Variants in COL9A3 observed in about 807,000 individuals in gnomAD.
COL9A3 encodes collagen type IX alpha 3 chain, also known as collagen alpha-3(IX) chain.
A neutral mutation model predicts 110.2 loss-of-function variants in COL9A3; 82 were observed. The observed-to-expected ratio is 0.74, with a 90% confidence interval of 0.62 to 0.89. The LOEUF (loss-of-function observed/expected upper bound fraction) is 0.89. Ranked by LOEUF, COL9A3 falls within the 40% of genes least tolerant of loss-of-function variation. COL9A3 has a pLI of 0.00. For synonymous variants in COL9A3, 494 were observed against 403.8 expected, an observed-to-expected ratio of 1.22 and a Z score of -2.68; for missense variants, 1,066 against 981.3, an observed-to-expected ratio of 1.09 and a Z score of -1.15.
At chr20:62,823,036 TGAAAA>T (rs112586464) in intron 10 of COL9A3, among the ~76,000 whole-genome samples, 4,877 of 152,308 alleles carry the variant, frequency 0.032, 257 homozygotes, top group African/African-American at 0.11. Context: ...GTCATTTGCC[TGAAAA>T]GAAAACAGGC....
chr20:62,829,896 C>T (rs1280024642), intron 22 of COL9A3, 77 bp downstream of exon 22: 8 of 1,506,750 alleles, frequency 5.3e-6, no homozygotes, highest in East Asian at 2.5e-5. Context: ...CTGAGCAGGC[C>T]GGGGTGGCAT....
At chr20:62,822,761 G>A in intron 10 of COL9A3, 129 bp downstream of exon 10, 1 of 989,984 alleles carries the variant, frequency 1.0e-6, no homozygotes, top group South Asian at 1.3e-5. Flanking sequence ...GGGGACAGGA[G>A]CTCAGAGCAG....
At chr20:62,821,831 C>T (rs1207883803) in intron 8 of COL9A3, 21 bp downstream of exon 8, 3 of 1,552,822 alleles carry the variant, frequency 1.9e-6, no homozygotes, top group Non-Finnish European at 1.8e-6. Context: ...GTCCCAGAGC[C>T]CCTCAGAGTG....
chr20:62,832,504 A>G (rs1395067665), intron 25 of COL9A3, among the ~76,000 whole-genome samples: 1 of 152,250 alleles, frequency 6.6e-6, no homozygotes, highest in African/African-American at 2.4e-5. Flanking sequence ...GGAGGCACCA[A>G]TGGGAACTCT....
intron 25 of COL9A3, among the ~76,000 whole-genome samples, chr20:62,832,503 A>G (rs1331835707): frequency 6.6e-6 from 1 of 152,242 alleles, no homozygotes; most frequent in Non-Finnish European, 1.5e-5. Context: ...AGGAGGCACC[A>G]ATGGGAACTC....
chr20:62,836,959 T>G, intron 29 of COL9A3, 124 bp from the exon 30 acceptor site: 3 of 1,270,146 alleles, frequency 2.4e-6, no homozygotes, highest in Non-Finnish European at 3.4e-6. Context: ...TAAACCATTT[T>G]CCATCAATCA....
chr20:62,819,674 G>A (rs1306792829), intron 4 of COL9A3, among the ~76,000 whole-genome samples: 1 of 152,208 alleles, frequency 6.6e-6, no homozygotes, highest in African/African-American at 2.4e-5. Flanking sequence ...CAGTCCTGCT[G>A]GGTTGGTCCC....
At chr20:62,821,307 G>A (rs925167415) in intron 6 of COL9A3, 91 bp downstream of exon 6, 1 of 1,424,678 alleles carries the variant, frequency 7.0e-7, no homozygotes, top group Non-Finnish European at 9.8e-7. Flanking sequence ...GAATCCCAGG[G>A]ACCATCCCTG....
At position 62,825,724 on chromosome 20, in the gene COL9A3, A is replaced by C. The variant is rs578161530; in HGVS notation, c.631-93A>C. The C allele has an allele frequency of 5.4e-5, 71 of 1,314,156 alleles. No homozygotes were observed. In the South Asian group the frequency reaches 7.9e-4, roughly 15 times the overall value. The allele number at this position is 1,314,156 out of a possible 1,614,324, so 81.4% of individuals were successfully genotyped here. ...CAGCTGTGAAGGGGGCAACACCCCC[A>C]GCTGCTTGGGCTTGAGTAGGGTGAC... On this transcript the variant is annotated intron_variant, in intron 12 of 31. Transcript: ENST00000649368.
rs1015345079 is a variant in COL9A3 at position 62,825,367 on chromosome 20, G to A, written c.630+346G>A. 4.8e-5 allele frequency: 16 copies of A among 331,918 alleles called. No individual in the cohort carries two copies. In the South Asian group the frequency reaches 5.2e-4, roughly 11 times the overall value. The allele number at this position is 331,918 out of a possible 1,614,324, so 20.6% of individuals were successfully genotyped here. ...TCCCTGGTTTGTGTCTGTGGCCGGG[G>A]CGAGGGGCATCTGTGAGGATGGCTG... On this transcript the variant is annotated intron_variant, in intron 12 of 31. Coordinates refer to ENST00000649368, the MANE Select transcript of COL9A3 (RefSeq NM_001853.4).
chr20:62,824,536 C>T, intron 11 of COL9A3, 35 bp downstream of exon 11: 1 of 1,558,662 alleles, frequency 6.4e-7, no homozygotes, highest in Non-Finnish European at 8.7e-7. Context: ...AAGCACCACC[C>T]TGTGCTGGGC....
At chr20:62,821,671 C>A in intron 7 of COL9A3, 86 bp from the exon 8 acceptor site, 2 of 1,542,460 alleles carry the variant, frequency 1.3e-6, no homozygotes, top group Non-Finnish European at 8.9e-7. Flanking sequence ...AGCCCCTCTC[C>A]CTTCGGAGGC....
intron 3 of COL9A3, 123 bp downstream of exon 3, chr20:62,818,676 C>A: frequency 9.9e-7 from 1 of 1,006,836 alleles, no homozygotes; most frequent in South Asian, 1.3e-5. Flanking sequence ...TGAGGGGAGG[C>A]CTCAGAGGGC....
At chr20:62,838,841 G>A in intron 31 of COL9A3, 80 bp downstream of exon 31, 2 of 1,144,786 alleles carry the variant, frequency 1.7e-6, no homozygotes, top group Non-Finnish European at 2.6e-6. Context: ...GCGTGCTTGG[G>A]TTATGAATGG....
At chr20:62,840,427 T>C (rs950020726) in intron 31 of COL9A3, 115 bp from the exon 32 acceptor site, 25 of 1,013,284 alleles carry the variant, frequency 2.5e-5, no homozygotes, top group Non-Finnish European at 3.3e-5. Flanking sequence ...CTGTGGCCTC[T>C]CCCCAAGTGA....
rs199653123 is a variant in COL9A3, at chr20:62,819,283, C to G, written c.245C>G (p.Pro82Arg). The change falls in exon 4 of 32, where the codon CCG (proline) becomes CGG (arginine). Residue 82 changes from proline (P) to arginine (R), a missense_variant. Transcript: ENST00000649368. ...KPGEAGLPGL[P>R]GVDGLTGRDG... ...GGAGAGGCTGGGCTGCCGGGACTGC[C>G]GGGTGTGGATGTGAGTGCGCCTGCC... 2.5e-6 allele frequency: 4 copies of G among 1,610,828 alleles called. No homozygotes were observed. The highest frequency in any genetic ancestry group is 1.1e-5 in the South Asian group (1 of 90,876).
intron 5 of COL9A3, among the ~76,000 whole-genome samples, 189 bp downstream of exon 5, chr20:62,820,171 T>C (rs1991073300): frequency 1.3e-5 from 2 of 151,764 alleles, no homozygotes; most frequent in African/African-American, 4.8e-5. Context: ...CCTCCCTGCC[T>C]CACCTCCACG....
intron 4 of COL9A3, 37 bp downstream of exon 4, chr20:62,819,330 C>T (rs371586388): frequency 1.3e-6 from 2 of 1,538,398 alleles, no homozygotes; most frequent in Admixed American, 3.5e-5. Context: ...TGCCCCACTC[C>T]CCGCTCCGGG....
At chr20:62,826,954 G>A in intron 15 of COL9A3, 134 bp downstream of exon 15, 19 of 995,350 alleles carry the variant, frequency 1.9e-5, no homozygotes, top group Middle Eastern at 4.4e-4. Context: ...ACCCTGGGAG[G>A]GCTTGTGGCA....
Sources: allele counts gnomAD v4.1 joint callset (sites outside exome capture counted in the v4.1 genomes callset), GRCh38; gene constraint gnomAD v4.1.1; transcripts MANE v1.5; gene names NCBI Gene and HGNC (gene_info 2026-07-23, HGNC 2026-07-21).